The following SLC39A12 variants were observed in gnomAD, a reference collection of about 807,000 sequenced individuals.
SLC39A12 encodes the protein solute carrier family 39 member 12, also known as zinc transporter ZIP12.
Under a neutral mutation model 71.1 loss-of-function variants are expected in SLC39A12, and 63 were observed. That is an observed-to-expected ratio of 0.89 (90% CI 0.72 to 1.09). SLC39A12 has a LOEUF of 1.09. SLC39A12 is among the 50% of genes least tolerant of loss of function. The pLI is 0.00. For missense variants in SLC39A12, 892 were observed against 812.6 expected, an observed-to-expected ratio of 1.10 and a Z score of -1.19; for synonymous variants, 351 against 301.3, an observed-to-expected ratio of 1.16 and a Z score of -1.71.
Position 17,965,515 on chromosome 10 carries a change from T to G in SLC39A12, c.576T>G (p.Ser192=). ...AAACCAAAACGCTGCAGAAAAAATC[T>G]GGAATAGTGAGCAGTGAAGGTGCTA... is the stretch of plus-strand genomic sequence containing the variant. ...CMETKTLQKK[S]GIVSSEGANE... Residue 192 remains serine, a synonymous_variant, in exon 4 of 13, where the codon TCT becomes TCG. Transcript: ENST00000377369. The G allele has an allele frequency of 6.2e-7, 1 of 1,614,198 alleles. No homozygotes were observed. Among genetic ancestry groups the G allele is most frequent in the Non-Finnish European group, 8.5e-7 (1 of 1,180,034 alleles).
rs1261855152 is a variant in SLC39A12 at position 18,043,153 on chromosome 10, T to C, written c.*320T>C. 1.2e-5 allele frequency: 2 copies of C among 161,932 alleles called. No individual in the cohort carries two copies. The highest frequency in any genetic ancestry group is 1.8e-4 in the East Asian group (1 of 5,642). 10.0% of individuals were successfully genotyped at this position (161,932 alleles called of 1,614,324 possible). ...TTTTTTCCCTAAGAAAGAATGTTTG[T>C]AGAATTTAAAGTGGACAGATGCCTG... On this transcript the variant is annotated 3_prime_UTR_variant, in exon 13 of 13. Transcript: ENST00000377369.
At chr10:18,005,402 A>C (rs1053475217) in intron 12 of SLC39A12, 1 of 152,224 alleles carries the variant, frequency 6.6e-6, no homozygotes, top group Admixed American at 6.5e-5. Context: ...TAAACTAAAC[A>C]GTCTTGAAGG....
At chr10:17,971,209 G>A (rs1476316667) in intron 4 of SLC39A12, among the ~76,000 whole-genome samples, 6 of 139,538 alleles carry the variant, frequency 4.3e-5, no homozygotes, top group African/African-American at 1.6e-4. Flanking sequence ...TCAATTGCTA[G>A]TATTTTGTTG....
rs111554008 is a variant in SLC39A12 at position 18,015,444 on chromosome 10, C to T, written c.1947+12086C>T. The stretch of plus-strand genomic sequence containing the variant: ...TGTGTTTGATATTAGGGAGATGTTC[C>T]AGTGATTCTTCATAATAGTGATCAC... On this transcript the variant is annotated intron_variant, in intron 12 of 12. Transcript: ENST00000377369. 9.9e-3 allele frequency among the ~76,000 whole-genome samples: 1,508 copies of T among 151,974 alleles called. 20 individuals carry two copies. Among genetic ancestry groups the T allele is most frequent in the Middle Eastern group, 0.014 (4 of 294 alleles).
chr10:18,041,989 C>G (rs572938966), intron 12 of SLC39A12, among the ~76,000 whole-genome samples: 1 of 151,574 alleles, frequency 6.6e-6, no homozygotes, highest in Non-Finnish European at 1.5e-5. Context: ...ATCGCTCTCT[C>G]TCTCTCCTTT....
chr10:17,981,512 T>G (rs1230775308), intron 6 of SLC39A12, 29 bp downstream of exon 6: 1 of 1,574,832 alleles, frequency 6.3e-7, no homozygotes, highest in Admixed American at 1.8e-5. Context: ...TTCAGAAAGC[T>G]GATGTGCACA....
At chr10:17,992,555 TA>T (rs900971530) in intron 8 of SLC39A12, among the ~76,000 whole-genome samples, 4 of 152,102 alleles carry the variant, frequency 2.6e-5, no homozygotes, top group Non-Finnish European at 5.9e-5. Context: ...CAAGAAGCAT[TA>T]AAAAAATAAC....
intron 12 of SLC39A12, among the ~76,000 whole-genome samples, chr10:18,006,106 G>A (rs1405808704): frequency 6.6e-6 from 1 of 152,194 alleles, no homozygotes; most frequent in Non-Finnish European, 1.5e-5. Context: ...ACACTAGATG[G>A]AATATACTAG....
intron 12 of SLC39A12, 105 bp downstream of exon 12, chr10:18,003,463 T>A: frequency 9.5e-7 from 1 of 1,050,314 alleles, no homozygotes; most frequent in Non-Finnish European, 1.4e-6. Context: ...ACAGAAGAAT[T>A]TATAAAACAA....
At chr10:17,994,226 G>T (rs1277261062) in intron 9 of SLC39A12, among the ~76,000 whole-genome samples, 1 of 152,118 alleles carries the variant, frequency 6.6e-6, no homozygotes, top group Non-Finnish European at 1.5e-5. Flanking sequence ...AGAGCCCCAA[G>T]ATGCATATAA....
At chr10:17,958,256 C>T (rs1834599630) in intron 2 of SLC39A12, among the ~76,000 whole-genome samples, 2 of 152,238 alleles carry the variant, frequency 1.3e-5, no homozygotes, top group South Asian at 4.1e-4. Flanking sequence ...CTGCCATGTG[C>T]TCATACACCA....
At position 17,995,701 on chromosome 10, in the gene SLC39A12, A is replaced by G. The variant is rs530860335; in HGVS notation, c.1579A>G (p.Met527Val). ...SQAAEMPIGS[M>V]TASNRKCKAI... is the part of the protein sequence containing the mutation. ...GGCAGCTGAAATGCCTATAGGCAGT[A>G]TGACAGCCTCCAACAGAAAATGTGA... The change falls in exon 10 of 13, where the codon ATG becomes GTG. Residue 527 changes from methionine (M) to valine (V), a missense_variant. Transcript: ENST00000377369. 2 of 1,613,254 alleles carry G rather than the reference A, an allele frequency of 1.2e-6. No homozygotes were observed. Among genetic ancestry groups the G allele is most frequent in the Non-Finnish European group, 1.7e-6 (2 of 1,179,724 alleles).
intron 12 of SLC39A12, among the ~76,000 whole-genome samples, chr10:18,027,404 G>C (rs572378107): frequency 1.3e-5 from 2 of 152,170 alleles, no homozygotes; most frequent in African/African-American, 2.4e-5. Flanking sequence ...AGAATGCTCT[G>C]GTATATTTCA....
intron 4 of SLC39A12, among the ~76,000 whole-genome samples, chr10:17,973,567 G>A (rs922040499): frequency 6.6e-6 from 1 of 152,040 alleles, no homozygotes; most frequent in African/African-American, 2.4e-5. Flanking sequence ...CCACTCTCTC[G>A]TGGCCTGTAA....
chr10:17,958,482 A>G (rs980484858), intron 2 of SLC39A12, among the ~76,000 whole-genome samples: 11 of 152,122 alleles, frequency 7.2e-5, no homozygotes, highest in Admixed American at 6.5e-5. Context: ...CTCCCATCAA[A>G]TAGGAGGGAG....
intron 12 of SLC39A12, among the ~76,000 whole-genome samples, chr10:18,034,647 A>C (rs1836946233): frequency 6.6e-6 from 1 of 151,250 alleles, no homozygotes; most frequent in Admixed American, 6.6e-5. Context: ...GTCCATTTAC[A>C]TTTAAAGTTA....
At chr10:18,013,672 G>A (rs1372606722) in intron 12 of SLC39A12, among the ~76,000 whole-genome samples, 1 of 152,272 alleles carries the variant, frequency 6.6e-6, no homozygotes, top group African/African-American at 2.4e-5. Context: ...TGTTCAGCCT[G>A]TTCTTTTGAA....
intron 12 of SLC39A12, among the ~76,000 whole-genome samples, chr10:18,033,905 T>A (rs1259479922): frequency 6.6e-6 from 1 of 151,810 alleles, no homozygotes; most frequent in African/African-American, 2.4e-5. Flanking sequence ...CATTTCGTTA[T>A]GTACCCAGTA....
At chr10:17,957,199 C>T (rs1554847869) in intron 2 of SLC39A12, among the ~76,000 whole-genome samples, 1 of 152,172 alleles carries the variant, frequency 6.6e-6, no homozygotes, top group Non-Finnish European at 1.5e-5. Context: ...TAGGAGAAGA[C>T]AGCTACCAAG....
Sources: allele counts gnomAD v4.1 joint callset (sites outside exome capture counted in the v4.1 genomes callset), GRCh38; gene constraint gnomAD v4.1.1; transcripts MANE v1.5; gene names NCBI Gene and HGNC (gene_info 2026-07-23, HGNC 2026-07-21).